Variants in SRPK2 observed in about 807,000 individuals in gnomAD.
SRPK2 encodes SFRS protein kinase 2.
In SRPK2, 21 loss-of-function variants were observed where a neutral mutation model predicts 90.8. That is an observed-to-expected ratio of 0.23 (90% CI 0.16 to 0.33). SRPK2 has a LOEUF of 0.33. Among genes scored for constraint, SRPK2 ranks in the 10% least tolerant of loss-of-function variants. SRPK2 has a pLI of 1.00. For synonymous variants in SRPK2, 288 were observed against 311.1 expected, an observed-to-expected ratio of 0.93 and a Z score of 0.78; for missense variants, 620 against 869.0, an observed-to-expected ratio of 0.71 and a Z score of 3.60.
intron 2 of SRPK2, chr7:105,301,391 T>C: frequency 4.8e-6 from 3 of 620,952 alleles, no homozygotes; most frequent in South Asian, 3.7e-5. Flanking sequence ...CACCTGCCAG[T>C]GCCAAGACTG....
At chr7:105,268,465 A>T (rs184489147) in intron 2 of SRPK2, among the ~76,000 whole-genome samples, 50 of 152,276 alleles carry the variant, frequency 3.3e-4, no homozygotes, top group African/African-American at 1.2e-3. Context: ...TAGGAAGAAA[A>T]CCTCACAGCA....
At chr7:105,229,266 A>G (rs1363626364) in intron 2 of SRPK2, among the ~76,000 whole-genome samples, 1 of 152,138 alleles carries the variant, frequency 6.6e-6, no homozygotes, top group Non-Finnish European at 1.5e-5. Flanking sequence ...GATCGAGACC[A>G]TCCTTGCTAA....
At chr7:105,377,188 C>G (rs1049309438) in intron 2 of SRPK2, among the ~76,000 whole-genome samples, 4 of 152,114 alleles carry the variant, frequency 2.6e-5, no homozygotes, top group Admixed American at 2.6e-4. Context: ...ACAACTTTCT[C>G]CTGGGTCTCC....
At chr7:105,221,314 T>C (rs923593267) in intron 2 of SRPK2, among the ~76,000 whole-genome samples, 5 of 152,218 alleles carry the variant, frequency 3.3e-5, no homozygotes, top group African/African-American at 1.2e-4. Context: ...GTCTTAAAAG[T>C]TGAGAGCTTG....
At chr7:105,380,681 G>A (rs1223061867) in intron 2 of SRPK2, among the ~76,000 whole-genome samples, 3 of 151,298 alleles carry the variant, frequency 2.0e-5, no homozygotes, top group Non-Finnish European at 4.4e-5. Flanking sequence ...ATGCCACCAC[G>A]CCTGGCTAAT....
intron 4 of SRPK2, among the ~76,000 whole-genome samples, chr7:105,168,745 A>ATGTGTGTGTG (rs58073613): frequency 0.11 from 11,598 of 103,912 alleles, 937 homozygotes; most frequent in Non-Finnish European, 0.15. Flanking sequence ...CACGCACCAA[A>ATGTGTGTGTG]TGTGTGTGTG....
upstream of SRPK2, among the ~76,000 whole-genome samples, chr7:105,392,987 AT>A (rs113221953): frequency 6.1e-3 from 582 of 94,712 alleles, no homozygotes; most frequent in Middle Eastern, 0.021. Flanking sequence ...TAATTTTTGT[AT>A]TTTTTTTTTT....
At chr7:105,282,348 G>A (rs1807456620) in intron 2 of SRPK2, among the ~76,000 whole-genome samples, 1 of 152,058 alleles carries the variant, frequency 6.6e-6, no homozygotes, top group South Asian at 2.1e-4. Context: ...TAAATATAAA[G>A]GCTAAAACTA....
chr7:105,381,670 T>C (rs952785903), intron 2 of SRPK2, among the ~76,000 whole-genome samples: 3 of 152,190 alleles, frequency 2.0e-5, no homozygotes, highest in African/African-American at 7.2e-5. Context: ...GTCCATTTAC[T>C]GTATTCTACT....
At chr7:105,394,421 G>A (rs540032650) in intron 1 of SRPK2, among the ~76,000 whole-genome samples, 107 of 152,246 alleles carry the variant, frequency 7.0e-4, no homozygotes, top group Middle Eastern at 3.4e-3. Flanking sequence ...GATTACAGGC[G>A]TGAGCCACGC....
At chr7:105,229,608 T>C (rs1443767147) in intron 2 of SRPK2, among the ~76,000 whole-genome samples, 1 of 151,990 alleles carries the variant, frequency 6.6e-6, no homozygotes. Flanking sequence ...CCACAACAGA[T>C]GAAGGGGGAG....
At chr7:105,170,825 GAGAAAGAAAGGAAGAA>G (rs1489931469) in intron 3 of SRPK2, among the ~76,000 whole-genome samples, 15 of 104,286 alleles carry the variant, frequency 1.4e-4, no homozygotes, top group Non-Finnish European at 1.3e-4. Context: ...GGGAGAGAAA[GAGAAAGAAAGGAAGAA>G]AGAAAGAAAG....
intron 2 of SRPK2, among the ~76,000 whole-genome samples, chr7:105,339,251 C>T (rs575422865): frequency 6.6e-6 from 1 of 152,256 alleles, no homozygotes; most frequent in Admixed American, 6.5e-5. Flanking sequence ...AATACATGCC[C>T]TCAGGAATTT....
chr7:105,372,206 T>A (rs1298406454), intron 2 of SRPK2, among the ~76,000 whole-genome samples: 1 of 149,952 alleles, frequency 6.7e-6, no homozygotes, highest in Non-Finnish European at 1.5e-5. Context: ...GCACTTATAA[T>A]GATAATAGTC....
intron 2 of SRPK2, among the ~76,000 whole-genome samples, chr7:105,309,898 C>T (rs1219140042): frequency 6.6e-6 from 1 of 152,156 alleles, no homozygotes; most frequent in African/African-American, 2.4e-5. Flanking sequence ...GTTTATGTCC[C>T]TGAGGGGCTC....
chr7:105,288,250 A>T (rs1285839552), intron 2 of SRPK2, among the ~76,000 whole-genome samples: 1 of 152,196 alleles, frequency 6.6e-6, no homozygotes, highest in East Asian at 1.9e-4. Flanking sequence ...TTACAACATA[A>T]CAAAATTGCT....
chr7:105,170,842 A>AG lies in SRPK2; in HGVS notation c.230-1578dup, dbSNP rs1300334255. ...GAGAGAAAGAGAAAGAAAGGAAGAA[A>AG]GAAAGAAAGAAAGAAAGAAAGAAAG... On this transcript the variant is annotated intron_variant, in intron 3 of 15. Transcript: ENST00000393651. 1.4e-3 allele frequency among the ~76,000 whole-genome samples: 15 copies of AG among 10,430 alleles called. 1 individual carries two copies. The highest frequency in any genetic ancestry group is 4.0e-3 in the African/African-American group (15 of 3,740). 6.8% of individuals were successfully genotyped at this position (10,430 alleles called of 152,430 possible).
At chr7:105,192,652 A>T (rs1794446197) in intron 3 of SRPK2, among the ~76,000 whole-genome samples, 1 of 152,208 alleles carries the variant, frequency 6.6e-6, no homozygotes, top group African/African-American at 2.4e-5. Context: ...GTACTACTGT[A>T]CATTCCCACC....
At chr7:105,378,754 T>C (rs1396757667) in intron 2 of SRPK2, among the ~76,000 whole-genome samples, 11 of 132,576 alleles carry the variant, frequency 8.3e-5, no homozygotes, top group Admixed American at 7.4e-4. Context: ...AGAGAAAGAC[T>C]CCGTCTCAAA....
Sources: allele counts gnomAD v4.1 joint callset (sites outside exome capture counted in the v4.1 genomes callset), GRCh38; gene constraint gnomAD v4.1.1; transcripts MANE v1.5; gene names NCBI Gene and HGNC (gene_info 2026-07-23, HGNC 2026-07-21).